The following AGMO variants were observed in gnomAD, a reference collection of about 807,000 sequenced individuals.
AGMO encodes alkylglycerol monooxygenase, also known as glyceryl-ether monooxygenase.
AGMO carries 75 observed loss-of-function variants against 60.2 expected under a neutral mutation model. That is an observed-to-expected ratio of 1.25 (90% CI 1.03 to 1.51). The LOEUF (loss-of-function observed/expected upper bound fraction) is 1.51, where lower values mean the gene tolerates loss of function less well. Ranked by LOEUF, AGMO falls within the 40% of genes most tolerant of loss-of-function variation. AGMO has a pLI of 0.00. For missense variants in AGMO, 763 were observed against 525.5 expected, an observed-to-expected ratio of 1.45 and a Z score of -4.42; for synonymous variants, 261 against 177.1, an observed-to-expected ratio of 1.47 and a Z score of -3.76.
At chr7:15,443,188 C>T (rs181329341) in intron 3 of AGMO, among the ~76,000 whole-genome samples, 23 of 152,266 alleles carry the variant, frequency 1.5e-4, no homozygotes, top group African/African-American at 4.3e-4. Flanking sequence ...ATGATGAGGC[C>T]GGGGGTCTAA....
In AGMO at chr7:15,365,513, C is replaced by T. The variant is rs751806722; in HGVS notation, c.1263+1G>A. The T allele has an allele frequency of 1.2e-6, 2 of 1,605,832 alleles. No homozygotes were observed. Among genetic ancestry groups the T allele is most frequent in the East Asian group, 2.2e-5 (1 of 44,730 alleles). On this transcript the variant is annotated splice_donor_variant, in intron 12 of 12. Coordinates refer to ENST00000342526, the MANE Select transcript of AGMO (RefSeq NM_001004320.2). LOFTEE classifies it high-confidence loss of function. ...TGTGGCTACCTAAACAAATGTCTTACCTCAAAAGCAGATGACAATGAAGGG... is the reference window on the plus strand; with the variant it reads ...TGTGGCTACCTAAACAAATGTCTTATCTCAAAAGCAGATGACAATGAAGGG...
chr7:15,224,319 T>C (rs1782012962), intron 12 of AGMO, among the ~76,000 whole-genome samples: 1 of 151,926 alleles, frequency 6.6e-6, no homozygotes, highest in African/African-American at 2.4e-5. Flanking sequence ...ACCAAACTGA[T>C]GGTATTATGA....
intron 12 of AGMO, among the ~76,000 whole-genome samples, chr7:15,335,245 A>T (rs1781620567): frequency 6.6e-6 from 1 of 152,108 alleles, no homozygotes; most frequent in Non-Finnish European, 1.5e-5. Context: ...GAATTCATGC[A>T]TTTAGCTATT....
At chr7:15,518,647 A>T (rs987874945) in intron 3 of AGMO, among the ~76,000 whole-genome samples, 8 of 152,120 alleles carry the variant, frequency 5.3e-5, no homozygotes, top group African/African-American at 1.9e-4. Flanking sequence ...AAGGGCGACC[A>T]CTCAAAAACC....
At chr7:15,293,985 G>C (rs982829445) in intron 12 of AGMO, among the ~76,000 whole-genome samples, 1 of 152,064 alleles carries the variant, frequency 6.6e-6, no homozygotes. Context: ...TTTAAGAAAG[G>C]AGAGTTTATA....
intron 3 of AGMO, among the ~76,000 whole-genome samples, chr7:15,449,058 T>G (rs1407373316): frequency 1.3e-5 from 2 of 152,150 alleles, no homozygotes; most frequent in Non-Finnish European, 2.9e-5. Flanking sequence ...GCCCTCTCTT[T>G]TCTATGTGAA....
chr7:15,399,564 A>G (rs1288505181), intron 5 of AGMO, among the ~76,000 whole-genome samples: 1 of 152,222 alleles, frequency 6.6e-6, no homozygotes, highest in Non-Finnish European at 1.5e-5. Flanking sequence ...CATCATAAAT[A>G]TATAAATAAT....
chr7:15,181,650 A>T, the AGMO span, among the ~76,000 whole-genome samples: 1 of 152,170 alleles, frequency 6.6e-6, no homozygotes, highest in Non-Finnish European at 1.5e-5. Flanking sequence ...GAAGCCCTCC[A>T]TTATTCCTTC....
chr7:15,509,176 T>C (rs1292240478), intron 3 of AGMO, among the ~76,000 whole-genome samples: 1 of 152,144 alleles, frequency 6.6e-6, no homozygotes, highest in Admixed American at 6.6e-5. Flanking sequence ...AATTAGATAC[T>C]ACATTGAGAA....
intron 12 of AGMO, among the ~76,000 whole-genome samples, chr7:15,338,151 A>G (rs1781722633): frequency 6.6e-6 from 1 of 152,218 alleles, no homozygotes; most frequent in South Asian, 2.1e-4. Context: ...GTGTAATATT[A>G]TAATTAAATT....
intron 10 of AGMO, among the ~76,000 whole-genome samples, chr7:15,374,296 TTACAG>T (rs1420308958): frequency 6.6e-6 from 1 of 152,080 alleles, no homozygotes; most frequent in East Asian, 1.9e-4. Flanking sequence ...AGGAATATAA[TTACAG>T]TAAACATTTG....
rs893260383 is a variant in AGMO, at chr7:15,394,022, T to C, written c.676+91A>G. On this transcript the variant is annotated intron_variant, in intron 6 of 12. Coordinates refer to ENST00000342526, the MANE Select transcript of AGMO (RefSeq NM_001004320.2). ...ATTTGTAAAATGTGTGCTGACTATA[T>C]TGGGAAATTGTGATTAAATGAGATT... 18 of 920,910 alleles carry C rather than the reference T, an allele frequency of 2.0e-5. No individual in the cohort carries two copies. The African/African-American group carries it at 2.2e-4, about 11-fold the overall frequency. 57.0% of individuals were successfully genotyped at this position (920,910 alleles called of 1,614,324 possible). A position where few individuals can be genotyped will look rare whatever the true frequency, so the allele number is the denominator to read the frequency against.
At chr7:15,447,189 G>A (rs6461175) in intron 3 of AGMO, among the ~76,000 whole-genome samples, 1 of 152,088 alleles carries the variant, frequency 6.6e-6, no homozygotes, top group Non-Finnish European at 1.5e-5. Flanking sequence ...TAAAACATCA[G>A]CCTCATAATA....
chr7:15,508,587 G>T (rs1374647155), intron 3 of AGMO, among the ~76,000 whole-genome samples: 1 of 152,012 alleles, frequency 6.6e-6, no homozygotes, highest in African/African-American at 2.4e-5. Flanking sequence ...AACACCAATT[G>T]AATTCAATCT....
In AGMO at chr7:15,324,279, C is replaced by T. The variant is rs149450158; in HGVS notation, c.1263+41235G>A. ...CAGAAAACTGCATCAGTATCTCAGACTTTTAGACGTTGGTATCAGGCAACC... is the reference window on the plus strand; with the variant it reads ...CAGAAAACTGCATCAGTATCTCAGATTTTTAGACGTTGGTATCAGGCAACC... On this transcript the variant is annotated intron_variant, in intron 12 of 12. Transcript: ENST00000342526. Among the ~76,000 whole-genome samples, 43 of 152,236 alleles carry T rather than the reference C, an allele frequency of 2.8e-4. No homozygotes were observed. In the East Asian group the frequency reaches 7.2e-3, roughly 25 times the overall value.
chr7:15,231,681 T>C (rs1246898004), intron 12 of AGMO, among the ~76,000 whole-genome samples: 2 of 152,204 alleles, frequency 1.3e-5, no homozygotes, highest in African/African-American at 2.4e-5. Context: ...GTTAAGATTA[T>C]AGATCTTCTA....
At chr7:15,125,581 C>T in the AGMO span, among the ~76,000 whole-genome samples, 2 of 151,970 alleles carry the variant, frequency 1.3e-5, no homozygotes, top group African/African-American at 2.4e-5. Flanking sequence ...AACACTCTTG[C>T]AATAGTGTTT....
chr7:15,343,452 T>G (rs770714550), intron 12 of AGMO, among the ~76,000 whole-genome samples: 12 of 152,208 alleles, frequency 7.9e-5, no homozygotes, highest in Non-Finnish European at 1.6e-4. Flanking sequence ...TAAGAGATTT[T>G]AGAATGAAAG....
At chr7:15,370,678 G>GT (rs1426898506) in intron 10 of AGMO, among the ~76,000 whole-genome samples, 2 of 152,056 alleles carry the variant, frequency 1.3e-5, no homozygotes, top group Admixed American at 6.6e-5. Context: ...TTGGATACTT[G>GT]TATGTCTGCT....
Sources: gnomAD v4.1 joint callset for allele counts (sites outside exome capture counted in the v4.1 genomes callset) on GRCh38, gnomAD v4.1.1 for gene constraint, MANE v1.5 for transcripts, NCBI Gene and HGNC (gene_info 2026-07-23, HGNC 2026-07-21) for gene names.